The following TFCP2 variants were observed in gnomAD, a reference collection of about 807,000 sequenced individuals.
TFCP2 encodes alpha-globin transcription factor CP2.
Under a neutral mutation model 73.4 loss-of-function variants are expected in TFCP2, and 33 were observed. That is an observed-to-expected ratio of 0.45 (90% CI 0.34 to 0.60). The LOEUF (loss-of-function observed/expected upper bound fraction) is 0.60. TFCP2 is among the 20% of genes least tolerant of loss of function. TFCP2 has a pLI of 0.01. For missense variants in TFCP2, 352 were observed against 604.0 expected, an observed-to-expected ratio of 0.58 and a Z score of 4.37; for synonymous variants, 193 against 211.6, an observed-to-expected ratio of 0.91 and a Z score of 0.76.
At chr12:51,132,355 GTCTT>G (rs1940962527) in intron 1 of TFCP2, among the ~76,000 whole-genome samples, 1 of 21,466 alleles carries the variant, frequency 4.7e-5, no homozygotes, top group Non-Finnish European at 1.2e-4. Flanking sequence ...TTAGGGATTA[GTCTT>G]TTTTTTTTTT....
chr12:51,149,731 C>T (rs766444952), intron 1 of TFCP2, among the ~76,000 whole-genome samples: 6 of 152,092 alleles, frequency 3.9e-5, no homozygotes, highest in Non-Finnish European at 8.8e-5. Flanking sequence ...TCCTGAGTAG[C>T]TGGGACTACA....
intron 1 of TFCP2, among the ~76,000 whole-genome samples, chr12:51,127,554 T>C (rs1009564445): frequency 1.3e-5 from 2 of 152,132 alleles, no homozygotes; most frequent in Non-Finnish European, 2.9e-5. Context: ...GCAACAAAGG[T>C]AAGGAAGGCA....
chr12:51,157,485 G>T lies in TFCP2; in HGVS notation c.122+14816C>A, dbSNP rs1301190483. On this transcript the variant is annotated intron_variant, in intron 1 of 14. Transcript: ENST00000257915. ...AATGTGTTATTTTTTTGTATAGACA[G>T]GGTCTCAGTATGTTGTCCAGGCTGG... Among the ~76,000 whole-genome samples the T allele has an allele frequency of 5.3e-5, 8 of 151,444 alleles. No homozygotes were observed. The East Asian group carries it at 1.6e-3, about 30-fold the overall frequency.
intron 8 of TFCP2, among the ~76,000 whole-genome samples, chr12:51,105,004 G>A (rs1460767066): frequency 6.6e-6 from 1 of 151,260 alleles, no homozygotes; most frequent in Non-Finnish European, 1.5e-5. Context: ...GAGCCACCGC[G>A]CCCGGCAAAA....
chr12:51,145,343 C>T (rs1941273551), intron 1 of TFCP2, among the ~76,000 whole-genome samples: 1 of 150,612 alleles, frequency 6.6e-6, no homozygotes, highest in Admixed American at 6.6e-5. Flanking sequence ...GATCACACCA[C>T]TGGACTCCAG....
In TFCP2 at chr12:51,121,332, T is replaced by C. The variant is rs552128872; in HGVS notation, c.123-2560A>G. Among the ~76,000 whole-genome samples the C allele has an allele frequency of 8.0e-4, 122 of 151,624 alleles. No homozygotes were observed. The South Asian group carries it at 9.6e-3, about 12-fold the overall frequency. ...TACTTGGGAGGCTGAGGCAGGAGAA[T>C]TGCTTGAACCTGGGAGGTGGAGGTT... On this transcript the variant is annotated intron_variant, in intron 1 of 14. Transcript: ENST00000257915.
At chr12:51,122,254 T>C (rs60246271) in intron 1 of TFCP2, among the ~76,000 whole-genome samples, 22 of 34,446 alleles carry the variant, frequency 6.4e-4, no homozygotes, top group East Asian at 5.8e-3. Flanking sequence ...TTTTCTTTTC[T>C]TTTTTTTTTT....
At chr12:51,104,492 G>T (rs1940182528) in intron 8 of TFCP2, among the ~76,000 whole-genome samples, 1 of 151,530 alleles carries the variant, frequency 6.6e-6, no homozygotes, top group Admixed American at 6.6e-5. Flanking sequence ...ATAAATTATG[G>T]CATAAAAATA....
intron 1 of TFCP2, among the ~76,000 whole-genome samples, chr12:51,171,190 TAA>T (rs1941852975): frequency 1.3e-5 from 2 of 152,216 alleles, no homozygotes; most frequent in Admixed American, 6.5e-5. Flanking sequence ...TTATTTAGAT[TAA>T]GTCTTAATAA....
intron 1 of TFCP2, among the ~76,000 whole-genome samples, chr12:51,160,133 A>ATTT (rs372316760): frequency 2.8e-4 from 36 of 126,354 alleles, no homozygotes; most frequent in Middle Eastern, 4.3e-3. Context: ...TCCTCTCTGA[A>ATTT]TTTTTTTTTT....
chr12:51,139,312 G>A (rs1941136074), intron 1 of TFCP2, among the ~76,000 whole-genome samples: 1 of 151,950 alleles, frequency 6.6e-6, no homozygotes, highest in South Asian at 2.1e-4. Flanking sequence ...TTCAAAACTG[G>A]GCCCAGTTTA....
intron 5 of TFCP2, among the ~76,000 whole-genome samples, chr12:51,109,865 C>T (rs944242148): frequency 1.3e-5 from 2 of 152,132 alleles, no homozygotes; most frequent in Middle Eastern, 3.4e-3. Context: ...ATTACAGGCA[C>T]ACACCACCAC....
chr12:51,097,609 AT>A (rs1247430236), intron 13 of TFCP2, among the ~76,000 whole-genome samples: 1 of 152,102 alleles, frequency 6.6e-6, no homozygotes, highest in African/African-American at 2.4e-5. Context: ...ATTTTAATCA[AT>A]TGTATAATTA....
intron 1 of TFCP2, among the ~76,000 whole-genome samples, chr12:51,126,232 C>CAAAAAAAAAA (rs371407608): frequency 1.1e-5 from 1 of 87,746 alleles, no homozygotes; most frequent in Non-Finnish European, 2.1e-5. Context: ...GACTCTGTCT[C>CAAAAAAAAAA]AAAAAAAAAA....
intron 8 of TFCP2, among the ~76,000 whole-genome samples, chr12:51,106,310 G>A (rs1940239673): frequency 6.6e-6 from 1 of 152,104 alleles, no homozygotes; most frequent in Non-Finnish European, 1.5e-5. Context: ...AAGACGAGGA[G>A]GAGGGAGAGG....
At chr12:51,142,203 CAAAAAAAA>C (rs3053458) in intron 1 of TFCP2, among the ~76,000 whole-genome samples, 4 of 52,742 alleles carry the variant, frequency 7.6e-5, no homozygotes, top group South Asian at 1.2e-3. Context: ...GACTCTGTCG[CAAAAAAAA>C]AAAAAAAAAA....
intron 4 of TFCP2, among the ~76,000 whole-genome samples, chr12:51,114,698 A>T (rs1350323520): frequency 2.0e-5 from 3 of 152,092 alleles, no homozygotes; most frequent in Non-Finnish European, 4.4e-5. Flanking sequence ...ATCACTTATC[A>T]CCAGGGAAAT....
At chr12:51,127,683 A>C (rs576121455) in intron 1 of TFCP2, among the ~76,000 whole-genome samples, 3 of 152,288 alleles carry the variant, frequency 2.0e-5, no homozygotes, top group South Asian at 2.1e-4. Flanking sequence ...TGAAAGTAGA[A>C]AGAAAAGAAG....
In TFCP2 at chr12:51,095,141, G is replaced by A. The variant is rs868196221; in HGVS notation, c.*100C>T. The stretch of plus-strand genomic sequence containing the variant: ...CTCCACACACAGTCAGACGAGTCAG[G>A]TTCTTGCAGACCTTCAAATCTCCAT... On this transcript the variant is annotated 3_prime_UTR_variant, in exon 15 of 15. Transcript: ENST00000257915. The A allele has an allele frequency of 8.4e-5, 112 of 1,339,430 alleles. 1 individual carries two copies. The highest frequency in any genetic ancestry group is 5.5e-4 in the South Asian group (47 of 85,698). The allele number at this position is 1,339,430 out of a possible 1,614,324, so 83.0% of individuals were successfully genotyped here.
Sources: gnomAD v4.1 joint callset for allele counts (sites outside exome capture counted in the v4.1 genomes callset) on GRCh38, gnomAD v4.1.1 for gene constraint, MANE v1.5 for transcripts, NCBI Gene and HGNC (gene_info 2026-07-23, HGNC 2026-07-21) for gene names.